The following CA10 variants were observed in gnomAD, a reference collection of about 807,000 sequenced individuals.
The protein encoded by CA10 is carbonic anhydrase-related protein 10.
Under a neutral mutation model 44.2 loss-of-function variants are expected in CA10, and 14 were observed. That is an observed-to-expected ratio of 0.32 (90% confidence interval 0.21 to 0.50). CA10 has a LOEUF of 0.50. CA10 is among the 20% of genes least tolerant of loss of function. CA10 has a pLI of 0.99. For missense variants in CA10, 350 were observed against 409.7 expected (o/e 0.85, Z 1.26); for synonymous variants, 159 against 141.6 (o/e 1.12, Z -0.87).
chr17:51,718,004 G>A (rs1328378610), intron 4 of CA10, among the ~76,000 whole-genome samples: 1 of 149,046 alleles, frequency 6.7e-6, no homozygotes, highest in Non-Finnish European at 1.5e-5. Context: ...CGGATATGTG[G>A]GAGCTAAGCT....
At chr17:52,152,170 A>C (rs567451127) in intron 1 of CA10, among the ~76,000 whole-genome samples, 4 of 152,222 alleles carry the variant, frequency 2.6e-5, no homozygotes, top group African/African-American at 9.6e-5. Context: ...AACTATATAA[A>C]GTACAGTGCT....
chr17:51,838,522 A>G (rs1415827440), intron 3 of CA10, among the ~76,000 whole-genome samples: 1 of 152,334 alleles, frequency 6.6e-6, no homozygotes, highest in South Asian at 2.1e-4. Context: ...AGGGGATGGG[A>G]CTGCTTTAAT....
chr17:51,676,822 C>T (rs1914639405), intron 4 of CA10, among the ~76,000 whole-genome samples: 1 of 152,112 alleles, frequency 6.6e-6, no homozygotes, highest in Non-Finnish European at 1.5e-5. Context: ...GGGCTCTTAA[C>T]TTGTCACAGT....
chr17:51,908,944 G>A (rs1981676969), intron 3 of CA10, among the ~76,000 whole-genome samples: 1 of 152,058 alleles, frequency 6.6e-6, no homozygotes, highest in African/African-American at 2.4e-5. Flanking sequence ...TAGTAAAATA[G>A]GCCACTCTCA....
intron 3 of CA10, among the ~76,000 whole-genome samples, chr17:51,784,109 T>C (rs1189472996): frequency 1.3e-5 from 2 of 152,114 alleles, no homozygotes; most frequent in Non-Finnish European, 2.9e-5. Context: ...TAAATATTAT[T>C]ATTCCCATTC....
intron 2 of CA10, among the ~76,000 whole-genome samples, chr17:52,022,267 A>G (rs551471732): frequency 7.2e-4 from 109 of 152,258 alleles, no homozygotes; most frequent in African/African-American, 2.6e-3. Context: ...ACAATCAAGC[A>G]GGTGTTATTC....
chr17:51,722,041 A>C (rs1193152960), intron 4 of CA10, among the ~76,000 whole-genome samples: 3 of 152,142 alleles, frequency 2.0e-5, no homozygotes, highest in Admixed American at 6.5e-5. Flanking sequence ...CTGAAGTAGG[A>C]GGAGTCTGAT....
intron 2 of CA10, among the ~76,000 whole-genome samples, chr17:52,050,057 T>C (rs1406579240): frequency 1.3e-5 from 2 of 152,008 alleles, no homozygotes; most frequent in African/African-American, 4.8e-5. Flanking sequence ...GTAAGTGCAC[T>C]CTATGGTGTG....
At position 51,631,413 on chromosome 17, in the gene CA10, A is replaced by T; in HGVS notation, c.*171T>A. 1 of 701,308 alleles carries T rather than the reference A, an allele frequency of 1.4e-6. No individual in the cohort carries two copies. Among genetic ancestry groups the T allele is most frequent in the Non-Finnish European group, 2.6e-6 (1 of 386,546 alleles). The allele number at this position is 701,308 out of a possible 1,614,324, so 43.4% of individuals were successfully genotyped here. On this transcript the variant is annotated 3_prime_UTR_variant, in exon 9 of 9. Transcript: ENST00000451037. The stretch of plus-strand genomic sequence containing the variant: ...GTTTGTGAGTATGTGTGAGAGATGT[A>T]TTCCTCTGCCATGGTTTTGCAGACA...
At chr17:51,657,004 T>A (rs1340762991) in intron 4 of CA10, among the ~76,000 whole-genome samples, 1 of 152,154 alleles carries the variant, frequency 6.6e-6, no homozygotes, top group African/African-American at 2.4e-5. Context: ...AATGAGATAA[T>A]CAGCATGGAC....
intron 2 of CA10, among the ~76,000 whole-genome samples, chr17:52,050,828 A>G (rs1987043741): frequency 6.6e-6 from 1 of 152,062 alleles, no homozygotes; most frequent in African/African-American, 2.4e-5. Flanking sequence ...TACTTTGAAA[A>G]TACGTATTTA....
intron 6 of CA10, among the ~76,000 whole-genome samples, chr17:51,639,995 G>A (rs147999075): frequency 3.3e-5 from 5 of 152,252 alleles, no homozygotes; most frequent in African/African-American, 1.2e-4. Context: ...AATAACTACT[G>A]CTCCTCTCCT....
At chr17:51,934,653 C>A (rs760436680) in intron 2 of CA10, among the ~76,000 whole-genome samples, 4 of 152,146 alleles carry the variant, frequency 2.6e-5, no homozygotes, top group South Asian at 2.1e-4. Context: ...TCAGTTCAGG[C>A]GATGTGTTTG....
chr17:52,031,482 A>C (rs1168058560), intron 2 of CA10, among the ~76,000 whole-genome samples: 1 of 152,086 alleles, frequency 6.6e-6, no homozygotes, highest in Non-Finnish European at 1.5e-5. Context: ...TAAAGCACAA[A>C]CACATTTACT....
chr17:52,159,119 A>G (rs918258896), upstream of CA10, among the ~76,000 whole-genome samples: 2 of 152,188 alleles, frequency 1.3e-5, no homozygotes, highest in African/African-American at 4.8e-5. Flanking sequence ...AGACCCAGGC[A>G]GGACTCATCC....
At chr17:51,736,658 C>G (rs1385706034) in intron 4 of CA10, among the ~76,000 whole-genome samples, 1 of 152,212 alleles carries the variant, frequency 6.6e-6, no homozygotes, top group Non-Finnish European at 1.5e-5. Context: ...TTCACCCAAG[C>G]TACCTCTGAG....
At chr17:51,944,107 A>G (rs1259821833) in intron 2 of CA10, among the ~76,000 whole-genome samples, 1 of 152,182 alleles carries the variant, frequency 6.6e-6, no homozygotes, top group East Asian at 1.9e-4. Context: ...AGAAAGAAAA[A>G]GAATGTCTTA....
chr17:51,811,455 G>A (rs1457322501), intron 3 of CA10, among the ~76,000 whole-genome samples: 6 of 152,070 alleles, frequency 3.9e-5, no homozygotes, highest in Non-Finnish European at 5.9e-5. Flanking sequence ...CTCCCGACAG[G>A]CCCCAGTGTG....
At chr17:51,933,287 C>T (rs1212283385) in intron 2 of CA10, among the ~76,000 whole-genome samples, 1 of 151,798 alleles carries the variant, frequency 6.6e-6, no homozygotes, top group Non-Finnish European at 1.5e-5. Flanking sequence ...TGGGTGGGCC[C>T]AATGTAATCA....
Sources: allele counts gnomAD v4.1 joint callset (sites outside exome capture counted in the v4.1 genomes callset), GRCh38; gene constraint gnomAD v4.1.1; transcripts MANE v1.5; gene names NCBI Gene and HGNC (gene_info 2026-07-23, HGNC 2026-07-21).